Variants in USP43 observed in about 807,000 individuals in gnomAD.
USP43 encodes the protein ubiquitin specific peptidase 43, also known as ubiquitin carboxyl-terminal hydrolase 43.
A neutral mutation model predicts 90.7 loss-of-function variants in USP43; 33 were observed. The observed-to-expected ratio is 0.36, with a 90% confidence interval of 0.28 to 0.49. The LOEUF (loss-of-function observed/expected upper bound fraction) is 0.49, where lower values mean the gene tolerates loss of function less well. Ranked by LOEUF, USP43 falls within the 20% of genes least tolerant of loss-of-function variation. The pLI, the probability that USP43 is intolerant of heterozygous loss-of-function variation, is 0.98. For missense variants in USP43, 1,274 were observed against 1,476.4 expected (o/e 0.86, Z 2.25); for synonymous variants, 598 against 615.8 (o/e 0.97, Z 0.43).
intron 12 of USP43, among the ~76,000 whole-genome samples, chr17:9,707,265 A>T (rs1038732885): frequency 6.6e-6 from 1 of 152,192 alleles, no homozygotes; most frequent in Non-Finnish European, 1.5e-5. Flanking sequence ...GATTAAGACT[A>T]AACAGAATTT....
At chr17:9,678,931 G>A (rs902850870) in intron 5 of USP43, among the ~76,000 whole-genome samples, 4 of 151,814 alleles carry the variant, frequency 2.6e-5, no homozygotes, top group African/African-American at 7.3e-5. Context: ...GCATAATTAC[G>A]AGTCTAAAGC....
At chr17:9,670,479 G>A (rs1310818886) in intron 3 of USP43, among the ~76,000 whole-genome samples, 1 of 152,134 alleles carries the variant, frequency 6.6e-6, no homozygotes, top group African/African-American at 2.4e-5. Flanking sequence ...AAGTGGAGGG[G>A]TTTGGAGTAT....
In USP43 at chr17:9,711,986, T is replaced by C. The variant is rs369684132; in HGVS notation, c.2189T>C (p.Leu730Pro). 2.5e-6 allele frequency: 4 copies of C among 1,610,150 alleles called. No individual in the cohort carries two copies. The South Asian group carries it at 3.3e-5, about 13-fold the overall frequency. ...TCCACAGGCTCTACCAGCTCCTCCC[T>C]GTCTGATCACTGGCTCTTACGGCTC... ...SSMRGSTSSS[L>P]SDHWLLRLGS... The change falls in exon 14 of 15, where the codon CTG (leucine) becomes CCG (proline). Residue 730 changes from leucine to proline, a missense_variant. Around this residue, in one of 6 missense-constraint regions of USP43, gnomAD observed 285 missense variants for 349.6 expected, o/e 0.82. Coordinates refer to ENST00000285199, the MANE Select transcript of USP43 (RefSeq NM_153210.5).
At chr17:9,697,222 T>A (rs1402908046) in intron 9 of USP43, among the ~76,000 whole-genome samples, 1 of 151,892 alleles carries the variant, frequency 6.6e-6, no homozygotes, top group Non-Finnish European at 1.5e-5. Flanking sequence ...GTCTCAAAAA[T>A]AAATAAATAA....
At chr17:9,723,926 C>G (rs1173606466) in intron 14 of USP43, among the ~76,000 whole-genome samples, 2 of 152,008 alleles carry the variant, frequency 1.3e-5, no homozygotes, top group African/African-American at 2.4e-5. Flanking sequence ...TAGTTTCTAT[C>G]TCTTGGTCAG....
intron 3 of USP43, among the ~76,000 whole-genome samples, chr17:9,673,902 T>C (rs1222906502): frequency 3.3e-5 from 5 of 152,306 alleles, no homozygotes; most frequent in Admixed American, 6.5e-5. Flanking sequence ...CTATTTCTTA[T>C]GGTTTCTTCT....
In USP43 at chr17:9,674,847, T is replaced by G; in HGVS notation, c.741-44T>G. The G allele has an allele frequency of 6.5e-7, 1 of 1,528,524 alleles. No homozygotes were observed. Among genetic ancestry groups the G allele is most frequent in the Non-Finnish European group, 9.1e-7 (1 of 1,102,656 alleles). The allele number at this position is 1,528,524 out of a possible 1,614,324, so 94.7% of individuals were successfully genotyped here. On this transcript the variant is annotated intron_variant, in intron 3 of 14. Transcript: ENST00000285199. The surrounding 1 kb of genome is among the most constrained non-coding windows in gnomAD (Gnocchi z 4.4). ...TGTATTGAATTTTACCCCCAAATTG[T>G]TTACGTGTGATTAAACGTTCGCCTC...
chr17:9,720,847 G>A lies in USP43; in HGVS notation c.2336-7107G>A, dbSNP rs557273296. On this transcript the variant is annotated intron_variant, in intron 14 of 14. Transcript: ENST00000285199. The stretch of plus-strand genomic sequence containing the variant: ...CTACTGGCATTTATTCCCCGGGTGG[G>A]GCGCAAGGATGCTAAGTGTCCTGCA... 9.1e-4 allele frequency among the ~76,000 whole-genome samples: 138 copies of A among 152,246 alleles called. 2 individuals carry two copies. In the South Asian group the frequency reaches 0.024, roughly 27 times the overall value.
intron 14 of USP43, among the ~76,000 whole-genome samples, chr17:9,714,211 G>A (rs1916360468): frequency 1.3e-5 from 2 of 152,210 alleles, no homozygotes; most frequent in Non-Finnish European, 2.9e-5. Flanking sequence ...TTCCTGCTCT[G>A]TGGCCCGATT....
At chr17:9,697,175 C>T (rs1031618399) in intron 9 of USP43, among the ~76,000 whole-genome samples, 3 of 152,038 alleles carry the variant, frequency 2.0e-5, no homozygotes, top group Non-Finnish European at 4.4e-5. Context: ...CGAGATTGTT[C>T]CACTGCACTC....
At chr17:9,682,026 G>A (rs1251139190) in intron 6 of USP43, among the ~76,000 whole-genome samples, 1 of 152,086 alleles carries the variant, frequency 6.6e-6, no homozygotes, top group Non-Finnish European at 1.5e-5. Flanking sequence ...ATTCAATCAT[G>A]GTGGACACAT....
intron 14 of USP43, among the ~76,000 whole-genome samples, chr17:9,718,562 T>TGGGCC (rs150530097): frequency 0.06 from 9,088 of 151,848 alleles, 451 homozygotes; most frequent in East Asian, 0.21. Flanking sequence ...AATACGTTTC[T>TGGGCC]GTGAGCAGTG....
chr17:9,696,897 C>T (rs1915300389), intron 9 of USP43, among the ~76,000 whole-genome samples: 2 of 152,226 alleles, frequency 1.3e-5, no homozygotes, highest in South Asian at 2.1e-4. Context: ...CCTCTGGTTC[C>T]CCTGGCTGAC....
At chr17:9,725,553 G>A (rs1323849907) in intron 14 of USP43, among the ~76,000 whole-genome samples, 1 of 152,160 alleles carries the variant, frequency 6.6e-6, no homozygotes, top group African/African-American at 2.4e-5. Flanking sequence ...TTTTATTAAA[G>A]CCATCACTGT....
intron 14 of USP43, among the ~76,000 whole-genome samples, chr17:9,718,048 G>A (rs759966890): frequency 5.3e-5 from 8 of 151,916 alleles, no homozygotes; most frequent in Non-Finnish European, 7.4e-5. Context: ...TGCCCACCTC[G>A]GCCTCCCAAA....
chr17:9,674,810 C>A lies in USP43; in HGVS notation c.741-81C>A. 2 of 1,175,258 alleles carry A rather than the reference C, an allele frequency of 1.7e-6. No individual in the cohort carries two copies. The highest frequency in any genetic ancestry group is 1.7e-5 in the Admixed American group (1 of 58,126). The allele number at this position is 1,175,258 out of a possible 1,614,324, so 72.8% of individuals were successfully genotyped here. A position where few individuals can be genotyped will look rare whatever the true frequency, so the allele number is the denominator to read the frequency against. ...AGTGGAATCACAGGGAGTGGAAATG[C>A]AAGGATAATTCTGTATTGAATTTTA... On this transcript the variant is annotated intron_variant, in intron 3 of 14. Coordinates refer to ENST00000285199, the MANE Select transcript of USP43 (RefSeq NM_153210.5). This position sits in a 1 kb window ranked among gnomAD's most constrained non-coding sequence, Gnocchi z 4.4.
chr17:9,695,764 C>T (rs966923818), intron 9 of USP43, among the ~76,000 whole-genome samples: 4 of 152,212 alleles, frequency 2.6e-5, no homozygotes, highest in Non-Finnish European at 4.4e-5. Flanking sequence ...GTACCCATCA[C>T]ACAATATCCC....
intron 2 of USP43, among the ~76,000 whole-genome samples, chr17:9,666,069 GA>G (rs1469006856): frequency 1.3e-5 from 2 of 152,198 alleles, no homozygotes; most frequent in African/African-American, 4.8e-5. Context: ...ACAGCCACAG[GA>G]AACAAGGAAA....
rs1388111812 is a variant in USP43, at chr17:9,729,012, G to C, written c.*22G>C. ...TTGATGGAGCGTGTCAGTATTGTGT[G>C]ACGCTGGCATTCTTGGGACTTTGCC... On this transcript the variant is annotated 3_prime_UTR_variant, in exon 15 of 15. Coordinates refer to ENST00000285199, the MANE Select transcript of USP43 (RefSeq NM_153210.5). 1 of 1,501,454 alleles carries C rather than the reference G, an allele frequency of 6.7e-7. No individual in the cohort carries two copies. Among genetic ancestry groups the C allele is most frequent in the East Asian group, 2.3e-5 (1 of 42,580 alleles). 93.0% of individuals were successfully genotyped at this position (1,501,454 alleles called of 1,614,324 possible).
Sources: allele counts gnomAD v4.1 joint callset (sites outside exome capture counted in the v4.1 genomes callset), GRCh38; gene constraint gnomAD v4.1.1; regional missense constraint gnomAD v4.1.1; non-coding constraint Gnocchi (gnomAD v3.1); transcripts MANE v1.5; gene names NCBI Gene and HGNC (gene_info 2026-07-23, HGNC 2026-07-21).